GALNT13: variants seen among roughly 807,000 people sequenced by gnomAD.
The protein encoded by GALNT13 is polypeptide N-acetylgalactosaminyltransferase 13, also known as UDP-GalNAc:polypeptide N-acetylgalactosaminyltransferase 13.
A neutral mutation model predicts 64.2 loss-of-function variants in GALNT13; 28 were observed. The observed-to-expected ratio is 0.44, with a 90% CI of 0.32 to 0.60. The LOEUF is 0.60. Among genes scored for constraint, GALNT13 ranks in the 20% least tolerant of loss-of-function variants. The pLI is 0.05. For synonymous variants in GALNT13, 214 were observed against 224.6 expected, an observed-to-expected ratio of 0.95 and a Z score of 0.42; for missense variants, 577 against 669.8, an observed-to-expected ratio of 0.86 and a Z score of 1.53.
chr2:154,361,515 T>G (rs1697066473), intron 9 of GALNT13, among the ~76,000 whole-genome samples: 1 of 152,112 alleles, frequency 6.6e-6, no homozygotes, highest in Non-Finnish European at 1.5e-5. Flanking sequence ...GCTTGCCAGT[T>G]GTGTAAACTT....
rs535523711 is a variant in GALNT13 at position 154,421,821 on chromosome 2, G to A, written c.1395+12739G>A. 5.3e-5 allele frequency among the ~76,000 whole-genome samples: 8 copies of A among 151,832 alleles called. No individual in the cohort carries two copies. In the East Asian group the frequency reaches 5.8e-4, roughly 11 times the overall value. On this transcript the variant is annotated intron_variant, in intron 11 of 12. Coordinates refer to ENST00000392825, the MANE Select transcript of GALNT13 (RefSeq NM_052917.4). ...TATATATTTGTTATAGATAGATATC[G>A]CTGTTTAAATCCACTTTGAAACAAG...
chr2:154,035,272 A>G (rs967932497), intron 3 of GALNT13, among the ~76,000 whole-genome samples: 1 of 152,128 alleles, frequency 6.6e-6, no homozygotes, highest in African/African-American at 2.4e-5. Context: ...AGCATTTTAC[A>G]TTAAAATATT....
chr2:154,142,565 A>G (rs1018821703), intron 4 of GALNT13, among the ~76,000 whole-genome samples: 3 of 150,918 alleles, frequency 2.0e-5, no homozygotes, highest in Admixed American at 6.6e-5. Flanking sequence ...AAAAAAAAAA[A>G]AAAAAAAAGA....
chr2:154,371,852 A>C lies in GALNT13; in HGVS notation c.1157-24139A>C, dbSNP rs144130997. Reference sequence around the variant, plus strand: ...GATCAGGAGGTAAGTCAACATACACATAAAAATACTCACCTATCCTTTATT... The same window carrying C: ...GATCAGGAGGTAAGTCAACATACACCTAAAAATACTCACCTATCCTTTATT... On this transcript the variant is annotated intron_variant, in intron 9 of 12. Coordinates refer to ENST00000392825, the MANE Select transcript of GALNT13 (RefSeq NM_052917.4). 4.3e-3 allele frequency among the ~76,000 whole-genome samples: 658 copies of C among 151,974 alleles called. 4 individuals are homozygous for C. Among genetic ancestry groups the C allele is most frequent in the African/African-American group, 0.015 (632 of 41,486 alleles).
At chr2:154,099,619 G>T (rs943407740) in intron 3 of GALNT13, among the ~76,000 whole-genome samples, 5 of 151,992 alleles carry the variant, frequency 3.3e-5, no homozygotes, top group African/African-American at 9.7e-5. Flanking sequence ...GTCAACTTTT[G>T]TTCTTCTGCA....
chr2:153,533,907 T>C, the GALNT13 span, among the ~76,000 whole-genome samples: 1 of 151,796 alleles, frequency 6.6e-6, no homozygotes, highest in African/African-American at 2.4e-5. Flanking sequence ...TGTCTTTTTT[T>C]ATTTCTTTTT....
chr2:153,422,739 A>G, the GALNT13 span, among the ~76,000 whole-genome samples: 205 of 152,264 alleles, frequency 1.3e-3, 1 homozygote, highest in African/African-American at 4.7e-3. Context: ...AGAAAAAAAT[A>G]CACTTTACAG....
At chr2:153,343,968 A>G in the GALNT13 span, among the ~76,000 whole-genome samples, 3 of 152,138 alleles carry the variant, frequency 2.0e-5, no homozygotes, top group Non-Finnish European at 4.4e-5. Flanking sequence ...CATATATAAA[A>G]GTATTATCTT....
At chr2:153,140,391 A>G in the GALNT13 span, among the ~76,000 whole-genome samples, 1 of 152,028 alleles carries the variant, frequency 6.6e-6, no homozygotes, top group Admixed American at 6.6e-5. Flanking sequence ...AACAAAGGAC[A>G]GGTTGTCTTT....
chr2:153,989,200 CA>C (rs1695005549), intron 3 of GALNT13, among the ~76,000 whole-genome samples: 1 of 151,918 alleles, frequency 6.6e-6, no homozygotes, highest in African/African-American at 2.4e-5. Context: ...TCTTGTTAAA[CA>C]TGCATTAACT....
the GALNT13 span, among the ~76,000 whole-genome samples, chr2:153,208,490 T>G: frequency 4.6e-5 from 5 of 107,588 alleles, no homozygotes; most frequent in Non-Finnish European, 1.1e-4. Context: ...TGTTAGTGGA[T>G]TTTTTTTTCA....
At chr2:154,398,608 G>A (rs1699160115) in intron 10 of GALNT13, among the ~76,000 whole-genome samples, 1 of 152,178 alleles carries the variant, frequency 6.6e-6, no homozygotes, top group Admixed American at 6.5e-5. Flanking sequence ...TCTAAAAGAG[G>A]CAGTATGGTG....
chr2:154,071,118 C>A (rs1700719978), intron 3 of GALNT13, among the ~76,000 whole-genome samples: 1 of 152,034 alleles, frequency 6.6e-6, no homozygotes, highest in Non-Finnish European at 1.5e-5. Context: ...AATGAATTTT[C>A]AAAATAATAT....
the GALNT13 span, among the ~76,000 whole-genome samples, chr2:153,434,257 C>T: frequency 4.1e-4 from 62 of 152,190 alleles, no homozygotes; most frequent in Non-Finnish European, 7.1e-4. Flanking sequence ...GGTTCCAAGT[C>T]TTTGCTATTG....
chr2:154,269,136 G>C (rs940811921), intron 8 of GALNT13, among the ~76,000 whole-genome samples: 1 of 151,892 alleles, frequency 6.6e-6, no homozygotes, highest in Non-Finnish European at 1.5e-5. Flanking sequence ...GAAAAGCAGG[G>C]GTTCCCATTG....
chr2:154,418,584 G>A (rs1700125686), intron 11 of GALNT13, among the ~76,000 whole-genome samples: 1 of 152,138 alleles, frequency 6.6e-6, no homozygotes, highest in Admixed American at 6.6e-5. Context: ...CAGACCCTCT[G>A]GAGGGAAAGA....
the GALNT13 span, among the ~76,000 whole-genome samples, chr2:153,535,015 G>A: frequency 6.6e-6 from 1 of 151,568 alleles, no homozygotes; most frequent in Non-Finnish European, 1.5e-5. Flanking sequence ...TTGGGGCGGC[G>A]AAAATTTTTG....
chr2:154,315,202 C>T (rs1405584975), intron 9 of GALNT13, among the ~76,000 whole-genome samples: 1 of 152,034 alleles, frequency 6.6e-6, no homozygotes, highest in Non-Finnish European at 1.5e-5. Context: ...ATCTCAGGAC[C>T]CTAATAATTT....
chr2:154,404,378 A>G (rs537773740), intron 10 of GALNT13, among the ~76,000 whole-genome samples: 2 of 152,344 alleles, frequency 1.3e-5, no homozygotes, highest in Non-Finnish European at 1.5e-5. Flanking sequence ...AGCAAAACTT[A>G]AAAGAATGAT....
Sources: gnomAD v4.1 joint callset for allele counts (sites outside exome capture counted in the v4.1 genomes callset) on GRCh38, gnomAD v4.1.1 for gene constraint, MANE v1.5 for transcripts, NCBI Gene and HGNC (gene_info 2026-07-23, HGNC 2026-07-21) for gene names.